PLCL2: variants seen among roughly 807,000 people sequenced by gnomAD.
The protein encoded by PLCL2 is inactive phospholipase C-like protein 2.
PLCL2 carries 4 observed loss-of-function variants against 79.6 expected under a neutral mutation model. The observed-to-expected ratio is 0.05, with a 90% CI of 0.02 to 0.11. The LOEUF (loss-of-function observed/expected upper bound fraction) is 0.11, where lower values mean the gene tolerates loss of function less well. Ranked by LOEUF, PLCL2 falls within the 10% of genes least tolerant of loss-of-function variation. The pLI is 1.00. For synonymous variants in PLCL2, 484 were observed against 457.7 expected, an observed-to-expected ratio of 1.06 and a Z score of -0.73; for missense variants, 895 against 1,291.0, an observed-to-expected ratio of 0.69 and a Z score of 4.70.
chr3:17,088,352 T>C (rs1010726162), intron 5 of PLCL2, among the ~76,000 whole-genome samples: 1 of 151,678 alleles, frequency 6.6e-6, no homozygotes, highest in Non-Finnish European at 1.5e-5. Context: ...GCGGAGGAGG[T>C]GTAAGTAGGA....
chr3:16,999,014 ATTTG>A (rs201484012), intron 1 of PLCL2, among the ~76,000 whole-genome samples: 1,526 of 152,326 alleles, frequency 0.01, 30 homozygotes, highest in African/African-American at 0.035. Flanking sequence ...GAGTGAGGTC[ATTTG>A]ATCATTTTTT....
intron 1 of PLCL2, among the ~76,000 whole-genome samples, chr3:17,008,511 G>A (rs1432711811): frequency 2.6e-5 from 4 of 152,088 alleles, no homozygotes; most frequent in Non-Finnish European, 5.9e-5. Flanking sequence ...CTACCTTGAT[G>A]TAAATTCCTG....
intron 1 of PLCL2, among the ~76,000 whole-genome samples, chr3:16,917,507 G>A (rs1053118225): frequency 1.3e-5 from 2 of 152,160 alleles, no homozygotes; most frequent in African/African-American, 4.8e-5. Flanking sequence ...GGATTCTGAT[G>A]ACTAGAAGCT....
At chr3:17,013,804 A>T (rs538546335) in intron 2 of PLCL2, among the ~76,000 whole-genome samples, 1 of 152,276 alleles carries the variant, frequency 6.6e-6, no homozygotes, top group South Asian at 2.1e-4. Context: ...TTGGCCTGTT[A>T]TTACTCACGG....
chr3:16,957,694 T>C (rs527373345), intron 1 of PLCL2, among the ~76,000 whole-genome samples: 3 of 152,342 alleles, frequency 2.0e-5, no homozygotes, highest in African/African-American at 7.2e-5. Flanking sequence ...GAGGACTTGC[T>C]TTATGAATCT....
intron 1 of PLCL2, among the ~76,000 whole-genome samples, chr3:16,929,482 C>T (rs969896059): frequency 6.6e-6 from 1 of 152,196 alleles, no homozygotes; most frequent in East Asian, 1.9e-4. Flanking sequence ...ACTCAACTCA[C>T]TTTGCAATCA....
intron 1 of PLCL2, among the ~76,000 whole-genome samples, chr3:16,940,483 C>G (rs1428478788): frequency 6.6e-6 from 1 of 152,106 alleles, no homozygotes; most frequent in Non-Finnish European, 1.5e-5. Context: ...ACAGTAGGTA[C>G]TGGGGGCTAG....
At chr3:17,052,122 A>T (rs1181681387) in intron 4 of PLCL2, among the ~76,000 whole-genome samples, 1 of 152,240 alleles carries the variant, frequency 6.6e-6, no homozygotes, top group Middle Eastern at 3.4e-3. Flanking sequence ...AGAAAAATCC[A>T]TGAAAGTCAT....
intron 1 of PLCL2, among the ~76,000 whole-genome samples, chr3:16,997,674 G>A (rs1197961795): frequency 6.6e-6 from 1 of 151,988 alleles, no homozygotes; most frequent in Admixed American, 6.6e-5. Context: ...AAGTAGCTGG[G>A]ATTACAGGCG....
At chr3:16,894,444 T>G (rs577891676) in intron 1 of PLCL2, among the ~76,000 whole-genome samples, 1 of 152,328 alleles carries the variant, frequency 6.6e-6, no homozygotes, top group South Asian at 2.1e-4. Context: ...ACATTAAAAA[T>G]AATATTAGCA....
chr3:17,026,680 C>T (rs1041540924), intron 3 of PLCL2, among the ~76,000 whole-genome samples: 8 of 151,938 alleles, frequency 5.3e-5, no homozygotes, highest in Non-Finnish European at 1.2e-4. Context: ...CCAGCCTGGC[C>T]GACATGGTGA....
At chr3:16,995,624 T>C (rs1467485673) in intron 1 of PLCL2, among the ~76,000 whole-genome samples, 1 of 152,230 alleles carries the variant, frequency 6.6e-6, no homozygotes, top group African/African-American at 2.4e-5. Flanking sequence ...ATATTTGAAG[T>C]TTTGTATTTT....
chr3:16,917,351 A>G (rs916096248), intron 1 of PLCL2, among the ~76,000 whole-genome samples: 2 of 152,198 alleles, frequency 1.3e-5, no homozygotes, highest in Non-Finnish European at 2.9e-5. Context: ...CCTACAAACT[A>G]TATAACAAAC....
intron 3 of PLCL2, among the ~76,000 whole-genome samples, chr3:17,038,306 C>G (rs915757793): frequency 2.0e-5 from 3 of 152,138 alleles, no homozygotes; most frequent in African/African-American, 7.2e-5. Context: ...ACAATATAAG[C>G]ATCCATGTGG....
chr3:16,898,160 A>G (rs555066656), intron 1 of PLCL2, among the ~76,000 whole-genome samples: 43 of 152,320 alleles, frequency 2.8e-4, no homozygotes, highest in African/African-American at 9.6e-4. Flanking sequence ...GGCAGCAGCA[A>G]AGTTTTCTCA....
At chr3:17,063,260 C>G (rs1425468520) in intron 4 of PLCL2, among the ~76,000 whole-genome samples, 15 of 27,340 alleles carry the variant, frequency 5.5e-4, no homozygotes, top group Non-Finnish European at 8.3e-4. Flanking sequence ...CTCCCTTCCT[C>G]CCTTCCTCCC....
At chr3:16,916,631 C>G (rs1197994668) in intron 1 of PLCL2, among the ~76,000 whole-genome samples, 1 of 152,154 alleles carries the variant, frequency 6.6e-6, no homozygotes, top group Non-Finnish European at 1.5e-5. Flanking sequence ...GGCATTGTGG[C>G]ATCAAATGAG....
chr3:16,952,661 T>C (rs1457130093), intron 1 of PLCL2, among the ~76,000 whole-genome samples: 1 of 152,064 alleles, frequency 6.6e-6, no homozygotes, highest in Non-Finnish European at 1.5e-5. Context: ...AGAAAAACAA[T>C]ACATGTACAT....
chr3:16,984,036 G>A (rs751812860), intron 1 of PLCL2, among the ~76,000 whole-genome samples: 2 of 152,124 alleles, frequency 1.3e-5, no homozygotes, highest in African/African-American at 2.4e-5. Flanking sequence ...TTACACTCAA[G>A]ACAGGAAATG....
Sources: gnomAD v4.1 joint callset for allele counts (sites outside exome capture counted in the v4.1 genomes callset) on GRCh38, gnomAD v4.1.1 for gene constraint, MANE v1.5 for transcripts, NCBI Gene and HGNC (gene_info 2026-07-23, HGNC 2026-07-21) for gene names.